NEB: variants seen among roughly 807,000 people sequenced by gnomAD.
NEB encodes the protein nemaline myopathy type 2.
NEB carries 512 observed loss-of-function variants against 952.2 expected under a neutral mutation model. The ratio of observed to expected loss-of-function variants is 0.54; its 90% confidence interval spans 0.50 to 0.58. The LOEUF is 0.58. NEB is among the 20% of genes least tolerant of loss of function. The probability of loss-of-function intolerance (pLI) is 0.00; values close to 1 mark genes in which losing one functional copy is unlikely to be tolerated. For missense variants in NEB, 8,428 were observed against 9,231.1 expected (o/e 0.91, Z 3.56); for synonymous variants, 2,900 against 3,149.8 (o/e 0.92, Z 2.66).
At chr2:151,537,720 C>G (rs148803532) in intron 140 of NEB, among the ~76,000 whole-genome samples, 152 bp downstream of exon 140, 1 of 152,344 alleles carries the variant, frequency 6.6e-6, no homozygotes, top group Non-Finnish European at 1.5e-5. Flanking sequence ...TTGAAATTCA[C>G]TCACTTAGCA....
chr2:151,695,757 TAA>T, intron 17 of NEB, 75 bp from the exon 18 acceptor site: 1 of 1,122,462 alleles, frequency 8.9e-7, no homozygotes, highest in Non-Finnish European at 1.3e-6. Flanking sequence ...GTACATTTTG[TAA>T]AGTTAGTGAC....
Position 151,684,966 on chromosome 2 carries a change from G to A in NEB, c.2647C>T (p.Arg883Ter), listed in dbSNP as rs1333519240. Residue 883 changes from arginine to a stop codon, truncating the protein, a stop_gained, in exon 28 of 182, where the codon CGA becomes TGA. Transcript: ENST00000397345. LOFTEE classifies it high-confidence loss of function. ...TAKNQSDREY[R>*]KDYEKSKTIY... is the part of the protein sequence containing the mutation. ...GTTTTTGACTTTTCATAATCTTTTC[G>A]ATATTCGCGCTGTGAATAGGAAATT... The A allele has an allele frequency of 1.9e-6, 3 of 1,603,720 alleles. No individual in the cohort carries two copies. The highest frequency in any genetic ancestry group is 1.3e-5 in the African/African-American group (1 of 74,878).
At position 151,727,795 on chromosome 2, in the gene NEB, T is replaced by C. The variant is rs565823706; in HGVS notation, c.190A>G (p.Lys64Glu). The C allele has an allele frequency of 1.2e-6, 2 of 1,612,680 alleles. No individual in the cohort carries two copies. Among genetic ancestry groups the C allele is most frequent in the East Asian group, 2.2e-5 (1 of 44,824 alleles). ...ATGACCTTCCTCCTCTCCACCGGCT[T>C]TGCTGATGCTGGCTGTGCCAGTGCT... Reference protein sequence around the residue: ...QPALAQPASAKPVERRKVIRK... With the variant: ...QPALAQPASAEPVERRKVIRK... The change falls in exon 5 of 182, where the codon AAG (lysine) becomes GAG (glutamate). Residue 64 changes from lysine to glutamate, a missense_variant. By Grantham distance (56) the Lys-to-Glu change is moderately conservative (BLOSUM62 1). This residue lies in a region of NEB where 2,851 missense variants were observed against 2,791.5 expected (regional missense o/e 1.02). Transcript: ENST00000397345.
chr2:151,663,010 C>T (rs2099165097), intron 45 of NEB, among the ~76,000 whole-genome samples: 1 of 152,152 alleles, frequency 6.6e-6, no homozygotes, highest in African/African-American at 2.4e-5. Flanking sequence ...CCTCTCCAAC[C>T]ATCAAATGGA....
chr2:151,489,800 G>A (rs944068256), intron 181 of NEB, among the ~76,000 whole-genome samples, 171 bp downstream of exon 181: 1 of 151,718 alleles, frequency 6.6e-6, no homozygotes, highest in African/African-American at 2.4e-5. Context: ...ATTAATTTGA[G>A]TTAGATAATG....
At chr2:151,556,005 A>G (rs2095629468) in intron 124 of NEB, among the ~76,000 whole-genome samples, 1 of 152,124 alleles carries the variant, frequency 6.6e-6, no homozygotes, top group South Asian at 2.1e-4. Flanking sequence ...TGCCTCTATA[A>G]TTTTGTTCAT....
intron 10 of NEB, 28 bp downstream of exon 10, chr2:151,717,388 A>AGGT (rs1473811003): frequency 4.9e-6 from 7 of 1,426,028 alleles, no homozygotes; most frequent in Non-Finnish European, 6.9e-6. Flanking sequence ...TCTTCAAGGG[A>AGGT]GGCAATGTCC....
intron 114 of NEB, among the ~76,000 whole-genome samples, chr2:151,566,267 G>A (rs1054851221): frequency 6.6e-6 from 1 of 152,172 alleles, no homozygotes. Context: ...TCACGTATTG[G>A]GTAGGGGAGG....
chr2:151,629,560 G>A lies in NEB; in HGVS notation c.9810C>T (p.Ala3270=), dbSNP rs1170138596. 1.2e-6 allele frequency: 2 copies of A among 1,613,528 alleles called. No homozygotes were observed. Among genetic ancestry groups the A allele is most frequent in the African/African-American group, 2.7e-5 (2 of 74,894 alleles). ...TCACATCACTGATAACGTCCCTGGA[G>A]GCCTTGGCAGCCACGATGGGGATGG... ...SDAIPIVAAK[A]SRDVISDYKY... Residue 3270 remains alanine, a synonymous_variant, in exon 68 of 182, where the codon GCC becomes GCT. Transcript: ENST00000397345.
rs183671974 is a variant in NEB, at chr2:151,601,411, G to A, written c.13476+490C>T. ...AGGCATGAGCCACCATGCCTTGCCT[G>A]AAATAATTTTTAATTATAAACTTAT... is the stretch of plus-strand genomic sequence containing the variant. On this transcript the variant is annotated intron_variant, in intron 88 of 181. Transcript: ENST00000397345. Among the ~76,000 whole-genome samples, 763 of 142,514 alleles carry A rather than the reference G, an allele frequency of 5.4e-3. 40 individuals carry two copies. The highest frequency in any genetic ancestry group is 0.019 in the African/African-American group (705 of 37,612). 93.5% of individuals were successfully genotyped at this position (142,514 alleles called of 152,430 possible). A position where few individuals can be genotyped will look rare whatever the true frequency, so the allele number is the denominator to read the frequency against.
At position 151,630,782 on chromosome 2, in the gene NEB, T is replaced by A. The variant is rs761550384; in HGVS notation, c.9656A>T (p.Gln3219Leu). 2 of 1,611,828 alleles carry A rather than the reference T, an allele frequency of 1.2e-6. No individual in the cohort carries two copies. Among genetic ancestry groups the A allele is most frequent in the South Asian group, 2.2e-5 (2 of 90,486 alleles). Residue 3219 changes from glutamine to leucine, a missense_variant, in exon 67 of 182, where the codon CAA becomes CTA. Gln to Leu is a moderately radical substitution (Grantham distance 113). Around this residue, in one of 11 missense-constraint regions of NEB, gnomAD observed 1,772 missense variants for 1,960.3 expected, o/e 0.90. Transcript: ENST00000397345. Reference protein sequence around the residue: ...YTEAWDKDKTQIHIMPDTPEI... With the variant: ...YTEAWDKDKTLIHIMPDTPEI... ...TGGTGTATCAGGCATTATGTGAATTTGAGTCTTGTCTTTGTCCCAGGCCTC... is the reference window on the plus strand; with the variant it reads ...TGGTGTATCAGGCATTATGTGAATTAGAGTCTTGTCTTTGTCCCAGGCCTC...
intron 124 of NEB, among the ~76,000 whole-genome samples, chr2:151,556,885 A>G (rs1449581841): frequency 6.6e-6 from 1 of 152,208 alleles, no homozygotes; most frequent in Non-Finnish European, 1.5e-5. Context: ...AGGGAAATTT[A>G]TAGCACTAGA....
chr2:151,519,065 T>C lies in NEB; in HGVS notation c.22595A>G (p.Lys7532Arg), dbSNP rs1348285195. The C allele has an allele frequency of 3.1e-6, 5 of 1,600,066 alleles. No individual in the cohort carries two copies. In the African/African-American group the frequency reaches 5.4e-5, roughly 17 times the overall value. The change falls in exon 155 of 182, where the codon AAA becomes AGA. Residue 7532 changes from lysine to arginine, a missense_variant. Physicochemically the swap from Lys to Arg is conservative, Grantham distance 26. Transcript: ENST00000397345. Reference protein sequence around the residue: ...KDANNLASEVKYKADLKKLHK... With the variant: ...KDANNLASEVRYKADLKKLHK... ...AAGTTTCTTCAGGTCAGCCTTGTAT[T>C]TAACCTGTGTGTTATGGGGGAAGAA...
At chr2:151,725,054 G>GT in intron 6 of NEB, 93 bp from the exon 7 acceptor site, 1 of 936,050 alleles carries the variant, frequency 1.1e-6, no homozygotes, top group South Asian at 1.4e-5. Flanking sequence ...TTACCCCAAT[G>GT]ACTCTAGGTC....
intron 115 of NEB, 21 bp downstream of exon 115, chr2:151,565,695 A>G (rs1218724479): frequency 6.2e-7 from 1 of 1,601,544 alleles, no homozygotes; most frequent in Admixed American, 1.7e-5. Context: ...ATAGGTTAGA[A>G]GGAGAATAGG....
chr2:151,541,693 T>A, intron 135 of NEB, 142 bp from the exon 136 acceptor site: 1 of 638,078 alleles, frequency 1.6e-6, no homozygotes, highest in South Asian at 2.0e-5. Flanking sequence ...TAAACCAACC[T>A]TTTATTTACC....
At chr2:151,645,971 C>T (rs570844805) in intron 55 of NEB, among the ~76,000 whole-genome samples, 159 bp downstream of exon 55, 1 of 152,102 alleles carries the variant, frequency 6.6e-6, no homozygotes, top group Non-Finnish European at 1.5e-5. Flanking sequence ...ACTAACATTT[C>T]GATATTCAAT....
At chr2:151,652,156 G>T (rs760366067) in intron 52 of NEB, among the ~76,000 whole-genome samples, 6 of 152,238 alleles carry the variant, frequency 3.9e-5, no homozygotes, top group Non-Finnish European at 8.8e-5. Context: ...AAATAAGAAG[G>T]TATATAATGG....
chr2:151,491,812 G>A (rs768474582), intron 178 of NEB, 37 bp from the exon 179 acceptor site: 1 of 1,487,210 alleles, frequency 6.7e-7, no homozygotes, highest in Non-Finnish European at 9.2e-7. Context: ...AAGTGTTCTT[G>A]GAGTTTTCCA....
Sources: allele counts gnomAD v4.1 joint callset (sites outside exome capture counted in the v4.1 genomes callset), GRCh38; gene constraint gnomAD v4.1.1; regional missense constraint gnomAD v4.1.1; transcripts MANE v1.5; gene names NCBI Gene and HGNC (gene_info 2026-07-23, HGNC 2026-07-21).